The following JPH3 variants were observed in gnomAD, a reference collection of about 807,000 sequenced individuals.
The protein encoded by JPH3 is junctophilin-3.
JPH3 carries 11 observed loss-of-function variants against 59.6 expected under a neutral mutation model. The ratio of observed to expected loss-of-function variants is 0.18; its 90% CI spans 0.12 to 0.31. The LOEUF (loss-of-function observed/expected upper bound fraction) is 0.31. Among genes scored for constraint, JPH3 ranks in the 10% least tolerant of loss-of-function variants. JPH3 has a pLI of 1.00. For synonymous variants in JPH3, 673 were observed against 483.6 expected, an observed-to-expected ratio of 1.39 and a Z score of -5.14; for missense variants, 1,202 against 1,105.7, an observed-to-expected ratio of 1.09 and a Z score of -1.24.
chr16:87,621,158 C>A (rs1348848786), intron 1 of JPH3, among the ~76,000 whole-genome samples: 2 of 127,034 alleles, frequency 1.6e-5, no homozygotes, highest in Non-Finnish European at 3.4e-5. Flanking sequence ...GACTCTGTCT[C>A]AAAAGGAAAA....
At chr16:87,648,488 C>G (rs1172016610) in intron 2 of JPH3, among the ~76,000 whole-genome samples, 3 of 152,132 alleles carry the variant, frequency 2.0e-5, no homozygotes, top group African/African-American at 7.2e-5. Flanking sequence ...CAGGGCTTGT[C>G]AGGCCGCGTG....
rs569623845 is a variant in JPH3 at position 87,644,426 on chromosome 16, C to A, written c.551C>A (p.Ala184Glu). ...GCGCTGCATCCCGACGCCTCTCCGG[C>A]GGTGGCCGGCAGCCCGGCCGTGTCC... ...GTALHPDASP[A>E]VAGSPAVSRG... is the part of the protein sequence containing the mutation. The change falls in exon 2 of 5, where the codon GCG becomes GAG. Residue 184 changes from alanine (A) to glutamate (E), a missense_variant. Physicochemically the swap from Ala to Glu is moderately radical, Grantham distance 107. Transcript: ENST00000284262. 1 of 1,612,046 alleles carries A rather than the reference C, an allele frequency of 6.2e-7. No individual in the cohort carries two copies. The highest frequency in any genetic ancestry group is 8.5e-7 in the Non-Finnish European group (1 of 1,179,374).
chr16:87,623,482 G>A (rs2031263570), intron 1 of JPH3, among the ~76,000 whole-genome samples: 1 of 152,196 alleles, frequency 6.6e-6, no homozygotes, highest in South Asian at 2.1e-4. Context: ...TCACCGATGT[G>A]GCCAGTACCA....
At chr16:87,672,113 G>C (rs529243982) in intron 2 of JPH3, among the ~76,000 whole-genome samples, 67 of 152,214 alleles carry the variant, frequency 4.4e-4, no homozygotes, top group Non-Finnish European at 9.0e-4. Context: ...TATCCCCAGT[G>C]TGTGGGGGCG....
chr16:87,670,058 G>A (rs2032974733), intron 2 of JPH3, among the ~76,000 whole-genome samples: 1 of 152,178 alleles, frequency 6.6e-6, no homozygotes, highest in Non-Finnish European at 1.5e-5. Context: ...ACACAGGCGT[G>A]GGGATTCCAC....
rs149023008 is a variant in JPH3, at chr16:87,644,769, C to A, written c.894C>A (p.Ser298=). 193 of 1,613,302 alleles carry A rather than the reference C, an allele frequency of 1.2e-4. No individual in the cohort carries two copies. The highest frequency in any genetic ancestry group is 1.6e-4 in the Non-Finnish European group (183 of 1,179,906). ...YVGEWKNDKR[S]GFGVSQRSDG... ...GCGAGTGGAAGAACGACAAACGCTC[C>A]GGCTTCGGCGTGAGCCAGCGCTCGG... The change falls in exon 2 of 5, where the codon TCC becomes TCA. Residue 298 remains serine, a synonymous_variant. Coordinates refer to ENST00000284262, the MANE Select transcript of JPH3 (RefSeq NM_020655.4).
At position 87,644,716 on chromosome 16, in the gene JPH3, G is replaced by C; in HGVS notation, c.841G>C (p.Asp281His). ...GCTGGCGGTCATCGAGGACGACATC[G>C]ACGCCACCACCACCGAGACCTACGT... ...AELAVIEDDI[D>H]ATTTETYVGE... Residue 281 changes from aspartate to histidine, a missense_variant, in exon 2 of 5, where the codon GAC (aspartate) becomes CAC (histidine). By Grantham distance (81) the Asp-to-His change is moderately conservative. Coordinates refer to ENST00000284262, the MANE Select transcript of JPH3 (RefSeq NM_020655.4). The C allele has an allele frequency of 6.2e-7, 1 of 1,612,414 alleles. No individual in the cohort carries two copies. The highest frequency in any genetic ancestry group is 8.5e-7 in the Non-Finnish European group (1 of 1,179,906).
At chr16:87,677,114 G>C (rs965130853) in intron 2 of JPH3, among the ~76,000 whole-genome samples, 1 of 150,080 alleles carries the variant, frequency 6.7e-6, no homozygotes, top group Non-Finnish European at 1.5e-5. Context: ...AGCTGAGATC[G>C]TGCCACTGCA....
chr16:87,658,451 T>C (rs2032583324), intron 2 of JPH3, among the ~76,000 whole-genome samples: 1 of 151,902 alleles, frequency 6.6e-6, no homozygotes, highest in African/African-American at 2.4e-5. Context: ...TGCTTTGCTC[T>C]CTGTCTCTCT....
At chr16:87,649,890 A>G (rs4843651) in intron 2 of JPH3, among the ~76,000 whole-genome samples, 30,300 of 152,162 alleles carry the variant, frequency 0.2, 3,448 homozygotes, top group East Asian at 0.32. Context: ...AAAGCCTGCA[A>G]AAGCTCAGCC....
chr16:87,650,288 G>C (rs1206480701), intron 2 of JPH3, among the ~76,000 whole-genome samples: 1 of 152,086 alleles, frequency 6.6e-6, no homozygotes, highest in Non-Finnish European at 1.5e-5. Context: ...GGTTATTTTG[G>C]GATGCCACAC....
At chr16:87,618,082 T>A (rs1213849208) in intron 1 of JPH3, among the ~76,000 whole-genome samples, 1 of 152,114 alleles carries the variant, frequency 6.6e-6, no homozygotes, top group Non-Finnish European at 1.5e-5. Context: ...GAGAATCACT[T>A]CAGCCCGGGA....
intron 2 of JPH3, among the ~76,000 whole-genome samples, chr16:87,647,957 CTCT>C (rs2032207737): frequency 6.6e-6 from 1 of 152,220 alleles, no homozygotes; most frequent in Non-Finnish European, 1.5e-5. Context: ...GTCGCCTCCC[CTCT>C]CTGGGCTGGG....
chr16:87,630,989 C>T (rs1055039061), intron 1 of JPH3, among the ~76,000 whole-genome samples: 1 of 152,216 alleles, frequency 6.6e-6, no homozygotes, highest in African/African-American at 2.4e-5. Context: ...ACTTCTCATG[C>T]ATAACTTGAG....
Position 87,696,682 on chromosome 16 carries a change from A to G in JPH3, c.*22A>G. 2 of 1,589,252 alleles carry G rather than the reference A, an allele frequency of 1.3e-6. No homozygotes were observed. The highest frequency in any genetic ancestry group is 1.7e-6 in the Non-Finnish European group (2 of 1,158,112). Reference sequence around the variant, plus strand: ...CTGATGAGATGTCGCGGTAGCAAAAATAGAGAAAGGGTAGAAAAAAGGGAC... The same window carrying G: ...CTGATGAGATGTCGCGGTAGCAAAAGTAGAGAAAGGGTAGAAAAAAGGGAC... On this transcript the variant is annotated 3_prime_UTR_variant, in exon 5 of 5. Coordinates refer to ENST00000284262, the MANE Select transcript of JPH3 (RefSeq NM_020655.4).
At chr16:87,618,835 T>G (rs1419274477) in intron 1 of JPH3, among the ~76,000 whole-genome samples, 1 of 152,142 alleles carries the variant, frequency 6.6e-6, no homozygotes, top group East Asian at 1.9e-4. Context: ...ACACCTGTAA[T>G]TCCAGCACTT....
chr16:87,625,105 TA>T (rs2031323022), intron 1 of JPH3, among the ~76,000 whole-genome samples: 1 of 152,206 alleles, frequency 6.6e-6, no homozygotes, highest in South Asian at 2.1e-4. Flanking sequence ...GGCCTTATTT[TA>T]TATACTTTTT....
At chr16:87,625,025 C>T (rs1209492250) in intron 1 of JPH3, among the ~76,000 whole-genome samples, 5 of 152,348 alleles carry the variant, frequency 3.3e-5, no homozygotes, top group African/African-American at 1.2e-4. Flanking sequence ...TCTCGAACTC[C>T]TGACCTCAAG....
At position 87,603,519 on chromosome 16, in the gene JPH3, T is replaced by C; in HGVS notation, c.373T>C (p.Ser125Pro). ...LQDGYGTETY[S>P]DGGTYQGQWV... ...GGACGGCTACGGGACCGAGACCTAC[T>C]CGGACGGAGGTAGGTGCCGCGGGCC... The change falls in exon 1 of 5, where the codon TCG (serine) becomes CCG (proline). Residue 125 changes from serine (S) to proline (P), a missense_variant. Ser to Pro is a moderately conservative substitution (Grantham distance 74). Coordinates refer to ENST00000284262, the MANE Select transcript of JPH3 (RefSeq NM_020655.4). The C allele has an allele frequency of 6.5e-7, 1 of 1,544,940 alleles. No individual in the cohort carries two copies. Among genetic ancestry groups the C allele is most frequent in the Non-Finnish European group, 8.7e-7 (1 of 1,145,280 alleles).
Sources: gnomAD v4.1 joint callset for allele counts (sites outside exome capture counted in the v4.1 genomes callset) on GRCh38, gnomAD v4.1.1 for gene constraint, MANE v1.5 for transcripts, NCBI Gene and HGNC (gene_info 2026-07-23, HGNC 2026-07-21) for gene names.